Variants in LGR6 observed in about 807,000 individuals in gnomAD.
The protein encoded by LGR6 is leucine rich repeat containing G protein-coupled receptor 6, also known as leucine-rich repeat-containing G protein-coupled receptor 6.
In LGR6, 45 loss-of-function variants were observed where a neutral mutation model predicts 69.4. The ratio of observed to expected loss-of-function variants is 0.65; its 90% CI spans 0.51 to 0.83. The LOEUF (loss-of-function observed/expected upper bound fraction) is 0.83, where lower values mean the gene tolerates loss of function less well. LGR6 is among the 40% of genes least tolerant of loss of function. The pLI is 0.00. For synonymous variants in LGR6, 538 were observed against 555.0 expected (o/e 0.97, Z 0.43); for missense variants, 1,108 against 1,246.7 (o/e 0.89, Z 1.68).
chr1:202,205,107 C>A (rs1206385492), intron 1 of LGR6, among the ~76,000 whole-genome samples: 2 of 77,256 alleles, frequency 2.6e-5, no homozygotes, highest in Non-Finnish European at 5.4e-5. Context: ...TACCTCCAAA[C>A]AAACACACAC....
intron 1 of LGR6, among the ~76,000 whole-genome samples, chr1:202,214,500 C>T (rs933040363): frequency 7.2e-5 from 11 of 151,802 alleles, no homozygotes; most frequent in East Asian, 3.9e-4. Flanking sequence ...CTGGTCCCCG[C>T]CCCCGGGGCC....
intron 1 of LGR6, among the ~76,000 whole-genome samples, chr1:202,216,011 G>T (rs1378301579): frequency 1.3e-5 from 2 of 152,178 alleles, no homozygotes; most frequent in Non-Finnish European, 2.9e-5. Flanking sequence ...TGTCCACTCT[G>T]TTGTCATTGT....
intron 6 of LGR6, among the ~76,000 whole-genome samples, chr1:202,291,123 G>C (rs1666761525): frequency 6.6e-6 from 1 of 152,208 alleles, no homozygotes; most frequent in African/African-American, 2.4e-5. Flanking sequence ...GATTTGGCTA[G>C]AAACAGTTGA....
chr1:202,238,258 C>G (rs924802793), intron 4 of LGR6, among the ~76,000 whole-genome samples: 1 of 151,616 alleles, frequency 6.6e-6, no homozygotes, highest in African/African-American at 2.4e-5. Context: ...ACCACGCCAA[C>G]TAATTTTTGT....
chr1:202,284,641 G>C (rs1032913291), intron 6 of LGR6, among the ~76,000 whole-genome samples: 14 of 152,202 alleles, frequency 9.2e-5, no homozygotes, highest in African/African-American at 3.4e-4. Context: ...GAAACCCTAG[G>C]TCAGTGTTTG....
intron 1 of LGR6, among the ~76,000 whole-genome samples, chr1:202,203,387 G>A (rs1231960740): frequency 1.3e-5 from 2 of 152,152 alleles, no homozygotes; most frequent in East Asian, 1.9e-4. Flanking sequence ...AGCGCAGTTC[G>A]GTAGAGTGTA....
At position 202,319,161 on chromosome 1, in the gene LGR6, G is replaced by C. The variant is rs140962939; in HGVS notation, c.2858G>C (p.Gly953Ala). The change falls in exon 18 of 18, where the codon GGT (glycine) becomes GCT (alanine). Residue 953 changes from glycine to alanine, a missense_variant. By Grantham distance (60) the Gly-to-Ala change is moderately conservative (BLOSUM62 0). Coordinates refer to ENST00000367278, the MANE Select transcript of LGR6 (RefSeq NM_001017403.2). ...STPAGGGLSG[G>A]GGFQPSGLAF... ...CCAGCAGGTGGAGGCTTGTCAGGGG[G>C]TGGCGGCTTTCAGCCCTCTGGCTTG... is the stretch of plus-strand genomic sequence containing the variant. 1.2e-6 allele frequency: 2 copies of C among 1,613,154 alleles called. No individual in the cohort carries two copies. Among genetic ancestry groups the C allele is most frequent in the Non-Finnish European group, 1.7e-6 (2 of 1,179,586 alleles).
intron 1 of LGR6, among the ~76,000 whole-genome samples, chr1:202,220,662 G>A (rs1378865542): frequency 6.6e-6 from 1 of 152,232 alleles, no homozygotes; most frequent in Non-Finnish European, 1.5e-5. Context: ...GGCAGGTGCT[G>A]TGCTACATGC....
rs776711896 is a variant in LGR6 at position 202,318,515 on chromosome 1, A to T, written c.2212A>T (p.Met738Leu). The T allele has an allele frequency of 1.2e-6, 2 of 1,614,014 alleles. No homozygotes were observed. Among genetic ancestry groups the T allele is most frequent in the African/African-American group, 2.7e-5 (2 of 75,042 alleles). ...AALGFTVALV[M>L]MNSFCFLVVA... The stretch of plus-strand genomic sequence containing the variant: ...CCTGGGCTTCACCGTGGCCCTGGTG[A>T]TGATGAACTCCTTCTGTTTCCTGGT... Residue 738 changes from methionine (M) to leucine (L), a missense_variant, in exon 18 of 18, where the codon ATG becomes TTG. Physicochemically the swap from Met to Leu is conservative, Grantham distance 15. Coordinates refer to ENST00000367278, the MANE Select transcript of LGR6 (RefSeq NM_001017403.2).
chr1:202,220,511 G>A (rs930935266), intron 1 of LGR6, among the ~76,000 whole-genome samples: 7 of 152,196 alleles, frequency 4.6e-5, no homozygotes, highest in African/African-American at 9.6e-5. Context: ...GAGTCACCAC[G>A]CCCGGCCCAC....
chr1:202,289,358 C>T (rs553735524), intron 6 of LGR6, among the ~76,000 whole-genome samples: 1 of 152,168 alleles, frequency 6.6e-6, no homozygotes, highest in Admixed American at 6.5e-5. Flanking sequence ...GATGATTCCT[C>T]TTTGGGGGCA....
At chr1:202,230,656 G>A (rs942164646) in intron 3 of LGR6, among the ~76,000 whole-genome samples, 18 of 152,314 alleles carry the variant, frequency 1.2e-4, no homozygotes, top group Middle Eastern at 3.4e-3. Flanking sequence ...GTGCGTGTGT[G>A]TGTCAGGCTT....
chr1:202,251,220 G>C (rs971153862), intron 4 of LGR6, among the ~76,000 whole-genome samples: 9 of 152,152 alleles, frequency 5.9e-5, no homozygotes, highest in African/African-American at 2.2e-4. Flanking sequence ...GAGGCTGCAG[G>C]CCTCCACTGT....
At chr1:202,287,044 G>C (rs75423233) in intron 6 of LGR6, among the ~76,000 whole-genome samples, 68 of 152,258 alleles carry the variant, frequency 4.5e-4, no homozygotes, top group South Asian at 8.3e-4. Context: ...AGAGGTTAAG[G>C]GGGGTGGGAA....
intron 4 of LGR6, among the ~76,000 whole-genome samples, chr1:202,238,781 G>A (rs1661863194): frequency 6.6e-6 from 1 of 151,356 alleles, no homozygotes; most frequent in African/African-American, 2.4e-5. Context: ...GTTGAGCCTT[G>A]AAAGACTAGT....
intron 4 of LGR6, among the ~76,000 whole-genome samples, chr1:202,269,275 A>C (rs1664910212): frequency 6.6e-6 from 1 of 152,038 alleles, no homozygotes; most frequent in Non-Finnish European, 1.5e-5. Context: ...GGTCTTAGTG[A>C]TGGGCAGCTT....
In LGR6 at chr1:202,319,348, A is replaced by C; in HGVS notation, c.*141A>C. On this transcript the variant is annotated 3_prime_UTR_variant, in exon 18 of 18. Coordinates refer to ENST00000367278, the MANE Select transcript of LGR6 (RefSeq NM_001017403.2). The stretch of plus-strand genomic sequence containing the variant: ...GATGGCCCAGTCCCTGGCTCCACTG[A>C]TCACCTCTCTCCTGTGACCATCACC... 1 of 911,938 alleles carries C rather than the reference A, an allele frequency of 1.1e-6. No individual in the cohort carries two copies. The highest frequency in any genetic ancestry group is 1.6e-6 in the Non-Finnish European group (1 of 625,602). 56.5% of individuals were successfully genotyped at this position (911,938 alleles called of 1,614,324 possible).
chr1:202,304,592 A>G lies in LGR6; in HGVS notation c.1032A>G (p.Pro344=), dbSNP rs1667844403. 3 of 1,610,956 alleles carry G rather than the reference A, an allele frequency of 1.9e-6. No homozygotes were observed. The highest frequency in any genetic ancestry group is 1.7e-5 in the Admixed American group (1 of 59,958). ...CCCGCGCAGGCATCCGGCTGCTCCC[A>G]TCGGGGATGTGCCAACAGCTGCCCA... ...TLTRAGIRLL[P]SGMCQQLPRL... The change falls in exon 11 of 18, where the codon CCA becomes CCG. Residue 344 remains proline, a synonymous_variant. Transcript: ENST00000367278.
chr1:202,266,465 C>A (rs1664666373), intron 4 of LGR6, among the ~76,000 whole-genome samples: 1 of 151,312 alleles, frequency 6.6e-6, no homozygotes, highest in African/African-American at 2.4e-5. Context: ...GCCTTCACAT[C>A]CCCACCCCCA....
Sources: gnomAD v4.1 joint callset for allele counts (sites outside exome capture counted in the v4.1 genomes callset) on GRCh38, gnomAD v4.1.1 for gene constraint, MANE v1.5 for transcripts, NCBI Gene and HGNC (gene_info 2026-07-23, HGNC 2026-07-21) for gene names.